The following NCKAP1 variants were observed in gnomAD, a reference collection of about 807,000 sequenced individuals.
NCKAP1 encodes nck-associated protein 1.
Under a neutral mutation model 151.2 loss-of-function variants are expected in NCKAP1, and 21 were observed. That is an observed-to-expected ratio of 0.14 (90% CI 0.10 to 0.20). The LOEUF (loss-of-function observed/expected upper bound fraction) is 0.20. Ranked by LOEUF, NCKAP1 falls within the 10% of genes least tolerant of loss-of-function variation. NCKAP1 has a pLI of 1.00. For synonymous variants in NCKAP1, 484 were observed against 451.8 expected (o/e 1.07, Z -0.90); for missense variants, 933 against 1,352.1 (o/e 0.69, Z 4.86).
intron 24 of NCKAP1, among the ~76,000 whole-genome samples, chr2:182,937,105 ACTGT>A (rs1423417090): frequency 8.5e-6 from 1 of 117,544 alleles, no homozygotes; most frequent in Admixed American, 9.6e-5. Context: ...ACAGAGCAAG[ACTGT>A]CTCACAAAAA....
chr2:183,006,670 C>T (rs570145359), intron 2 of NCKAP1, among the ~76,000 whole-genome samples: 2 of 151,998 alleles, frequency 1.3e-5, no homozygotes, highest in Admixed American at 6.6e-5. Flanking sequence ...CATTTTAGTT[C>T]CTAAAGTGAG....
intron 1 of NCKAP1, among the ~76,000 whole-genome samples, chr2:183,026,787 G>A (rs6757286): frequency 0.043 from 6,486 of 152,186 alleles, 472 homozygotes; most frequent in African/African-American, 0.15. Context: ...AGGATTAGAA[G>A]AGAGATAAAG....
intron 2 of NCKAP1, among the ~76,000 whole-genome samples, chr2:183,018,804 A>C (rs1379733699): frequency 6.6e-6 from 1 of 152,238 alleles, no homozygotes; most frequent in Non-Finnish European, 1.5e-5. Context: ...TTAATGGGAC[A>C]TTTATTTAGT....
chr2:182,935,261 A>G, intron 25 of NCKAP1, 32 bp downstream of exon 25: 2 of 1,358,674 alleles, frequency 1.5e-6, no homozygotes, highest in South Asian at 2.6e-5. Flanking sequence ...GATTGTTTGG[A>G]TACCGAGTAT....
intron 23 of NCKAP1, among the ~76,000 whole-genome samples, chr2:182,949,039 G>A (rs778226025): frequency 5.9e-5 from 9 of 152,164 alleles, no homozygotes; most frequent in Non-Finnish European, 7.4e-5. Flanking sequence ...GATACATGAA[G>A]GGAAGCAGTT....
chr2:182,962,320 A>C (rs751970038), intron 17 of NCKAP1, 42 bp from the exon 18 acceptor site: 1 of 1,517,424 alleles, frequency 6.6e-7, no homozygotes, highest in Non-Finnish European at 8.9e-7. Flanking sequence ...GTTATAAAGA[A>C]AGTACGTTGA....
intron 10 of NCKAP1, among the ~76,000 whole-genome samples, chr2:182,985,104 C>T (rs897229065): frequency 5.3e-5 from 8 of 152,146 alleles, no homozygotes; most frequent in African/African-American, 1.9e-4. Context: ...AGCACATGTA[C>T]TTCATTCAAG....
chr2:182,942,873 C>T (rs192948205), intron 23 of NCKAP1, among the ~76,000 whole-genome samples: 4 of 152,204 alleles, frequency 2.6e-5, no homozygotes, highest in Admixed American at 2.6e-4. Flanking sequence ...TAATTTCATT[C>T]TGTCAGAGAT....
rs1325881899 is a variant in NCKAP1, at chr2:182,924,852, C to T, written c.*850G>A. 3 of 151,874 alleles carry T rather than the reference C, an allele frequency of 2.0e-5. No homozygotes were observed. Among genetic ancestry groups the T allele is most frequent in the African/African-American group, 4.8e-5 (2 of 41,362 alleles). 9.4% of individuals were successfully genotyped at this position (151,874 alleles called of 1,614,324 possible). A position where few individuals can be genotyped will look rare whatever the true frequency, so the allele number is the denominator to read the frequency against. On this transcript the variant is annotated 3_prime_UTR_variant, in exon 31 of 31. Transcript: ENST00000361354. ...AAACAAAAACTTTATTATTATTGAA[C>T]GAATATCCAAGGATCTTAAAGAAAT...
At position 182,919,368 on chromosome 2, in the gene NCKAP1, C is replaced by T. The variant is rs1696514557; in HGVS notation, c.*6334G>A. 6.6e-6 allele frequency: 1 copy of T among 152,212 alleles called. No individual in the cohort carries two copies. The highest frequency in any genetic ancestry group is 2.4e-5 in the African/African-American group (1 of 41,456). The allele number at this position is 152,212 out of a possible 1,614,324, so 9.4% of individuals were successfully genotyped here. A position where few individuals can be genotyped will look rare whatever the true frequency, so the allele number is the denominator to read the frequency against. On this transcript the variant is annotated 3_prime_UTR_variant, in exon 31 of 31. Transcript: ENST00000361354. ...ACCTGCTCCTCAGCTTCAGCTTCAA[C>T]CTTTGCAAGATCTAACAGTTAAATG...
chr2:182,930,627 C>A, intron 27 of NCKAP1, 68 bp downstream of exon 27: 1 of 1,211,830 alleles, frequency 8.3e-7, no homozygotes, highest in South Asian at 1.3e-5. Flanking sequence ...GGTTAAATAT[C>A]ATACCTATAC....
Position 182,921,291 on chromosome 2 carries a change from T to C in NCKAP1, c.*4411A>G, listed in dbSNP as rs1160297550. ...AATTTTAAATATGATTTCCTACTTATTCATGGATTCTAGAAGCTTATTTTA... is the reference window on the plus strand; with the variant it reads ...AATTTTAAATATGATTTCCTACTTACTCATGGATTCTAGAAGCTTATTTTA... On this transcript the variant is annotated 3_prime_UTR_variant, in exon 31 of 31. Transcript: ENST00000361354. The C allele has an allele frequency of 6.6e-6, 1 of 152,206 alleles. No individual in the cohort carries two copies. Among genetic ancestry groups the C allele is most frequent in the African/African-American group, 2.4e-5 (1 of 41,450 alleles). 9.4% of individuals were successfully genotyped at this position (152,206 alleles called of 1,614,324 possible).
chr2:183,004,488 C>CAAAAAAAA (rs34055584), intron 2 of NCKAP1, among the ~76,000 whole-genome samples: 1 of 78,794 alleles, frequency 1.3e-5, no homozygotes, highest in African/African-American at 4.0e-5. Context: ...AAACAGCAAG[C>CAAAAAAAA]AAAAAAAAAA....
chr2:183,037,201 A>G (rs1699118481), intron 1 of NCKAP1, among the ~76,000 whole-genome samples: 1 of 152,206 alleles, frequency 6.6e-6, no homozygotes, highest in Admixed American at 6.5e-5. Flanking sequence ...TTATCAGACT[A>G]TGCTATAAAT....
intron 23 of NCKAP1, among the ~76,000 whole-genome samples, chr2:182,944,632 T>C (rs1403875513): frequency 6.6e-6 from 1 of 152,136 alleles, no homozygotes; most frequent in East Asian, 1.9e-4. Flanking sequence ...CCATCAAATA[T>C]AAAAAAGCTC....
At chr2:182,967,508 A>C in intron 15 of NCKAP1, 147 bp from the exon 16 acceptor site, 1 of 699,050 alleles carries the variant, frequency 1.4e-6, no homozygotes, top group Non-Finnish European at 2.4e-6. Flanking sequence ...AGTTGTCTGT[A>C]GTGACCCTAC....
At chr2:182,936,151 G>C (rs556815661) in intron 24 of NCKAP1, among the ~76,000 whole-genome samples, 1 of 152,108 alleles carries the variant, frequency 6.6e-6, no homozygotes, top group African/African-American at 2.4e-5. Flanking sequence ...CCTAGTACTT[G>C]GGAGGCTAAG....
chr2:182,961,342 A>T (rs1033525455), intron 18 of NCKAP1, among the ~76,000 whole-genome samples: 38 of 152,222 alleles, frequency 2.5e-4, no homozygotes, highest in Non-Finnish European at 4.3e-4. Context: ...CAAAGGTCCA[A>T]CAATGATAGA....
chr2:182,978,573 T>C (rs1697873131), intron 14 of NCKAP1, among the ~76,000 whole-genome samples: 1 of 152,168 alleles, frequency 6.6e-6, no homozygotes, highest in African/African-American at 2.4e-5. Context: ...AAATATATGA[T>C]TTGCTACAAA....
Sources: allele counts gnomAD v4.1 joint callset (sites outside exome capture counted in the v4.1 genomes callset), GRCh38; gene constraint gnomAD v4.1.1; transcripts MANE v1.5; gene names NCBI Gene and HGNC (gene_info 2026-07-23, HGNC 2026-07-21).